The following MYO1B variants were observed in gnomAD, a reference collection of about 807,000 sequenced individuals.
The protein encoded by MYO1B is unconventional myosin-Ib.
MYO1B carries 72 observed loss-of-function variants against 159.7 expected under a neutral mutation model. The observed-to-expected ratio is 0.45, with a 90% CI of 0.37 to 0.55. The LOEUF (loss-of-function observed/expected upper bound fraction) is 0.55. MYO1B is among the 20% of genes least tolerant of loss of function. The pLI, the probability that MYO1B is intolerant of heterozygous loss-of-function variation, is 0.00. For synonymous variants in MYO1B, 468 were observed against 473.8 expected, an observed-to-expected ratio of 0.99 and a Z score of 0.16; for missense variants, 1,062 against 1,364.8, an observed-to-expected ratio of 0.78 and a Z score of 3.50.
At chr2:191,290,482 TG>T (rs1688627951) in intron 2 of MYO1B, among the ~76,000 whole-genome samples, 1 of 152,250 alleles carries the variant, frequency 6.6e-6, no homozygotes, top group African/African-American at 2.4e-5. Context: ...AATCATTTAG[TG>T]GGTTAGGGCC....
chr2:191,258,777 A>G (rs1444797647), intron 1 of MYO1B, among the ~76,000 whole-genome samples: 1 of 152,222 alleles, frequency 6.6e-6, no homozygotes, highest in Non-Finnish European at 1.5e-5. Context: ...TGCCAAGGGT[A>G]TGGCATGAGC....
chr2:191,267,475 G>C (rs1687211715), intron 1 of MYO1B, among the ~76,000 whole-genome samples: 1 of 152,168 alleles, frequency 6.6e-6, no homozygotes, highest in Non-Finnish European at 1.5e-5. Context: ...ATATATAGTT[G>C]GCTTTCACAG....
At chr2:191,250,368 A>G (rs191369216) in intron 1 of MYO1B, among the ~76,000 whole-genome samples, 1 of 152,306 alleles carries the variant, frequency 6.6e-6, no homozygotes, top group East Asian at 1.9e-4. Context: ...AAAATGATAT[A>G]TAAACTACCA....
At chr2:191,380,410 A>G (rs769834292) in intron 13 of MYO1B, among the ~76,000 whole-genome samples, 43 of 152,210 alleles carry the variant, frequency 2.8e-4, no homozygotes, top group Admixed American at 1.4e-3. Context: ...ACTGGCCACC[A>G]TTGTGGGAGA....
chr2:191,386,853 A>G (rs1280385322), intron 16 of MYO1B, among the ~76,000 whole-genome samples: 1 of 152,128 alleles, frequency 6.6e-6, no homozygotes, highest in East Asian at 1.9e-4. Flanking sequence ...TATTGTTTCT[A>G]TTTTGCCCCA....
intron 3 of MYO1B, among the ~76,000 whole-genome samples, chr2:191,317,202 T>C (rs768379970): frequency 6.6e-6 from 1 of 152,138 alleles, no homozygotes; most frequent in African/African-American, 2.4e-5. Context: ...GGCACAGTTG[T>C]TGGCAGATTG....
At chr2:191,420,207 A>G (rs559548501) in intron 30 of MYO1B, among the ~76,000 whole-genome samples, 3 of 152,204 alleles carry the variant, frequency 2.0e-5, no homozygotes, top group Non-Finnish European at 4.4e-5. Flanking sequence ...TGCCTCAAAA[A>G]CAAAACAAAA....
intron 15 of MYO1B, among the ~76,000 whole-genome samples, chr2:191,384,501 A>G (rs1695286855): frequency 6.6e-6 from 1 of 152,244 alleles, no homozygotes; most frequent in Non-Finnish European, 1.5e-5. Context: ...ATTCTAAGGC[A>G]TCACTATTTT....
intron 26 of MYO1B, among the ~76,000 whole-genome samples, chr2:191,410,801 T>C (rs115848964): frequency 6.6e-6 from 1 of 152,188 alleles, no homozygotes; most frequent in African/African-American, 2.4e-5. Context: ...TGGGAGGAAA[T>C]AGTACTTGCA....
intron 13 of MYO1B, among the ~76,000 whole-genome samples, chr2:191,380,724 C>CAG (rs1299235450): frequency 1.3e-5 from 2 of 152,106 alleles, no homozygotes; most frequent in African/African-American, 2.4e-5. Context: ...GGGCCTTCTA[C>CAG]AGAGAGAGAG....
At position 191,392,161 on chromosome 2, in the gene MYO1B, C is replaced by T. The variant is rs746728776; in HGVS notation, c.2036C>T (p.Ser679Phe). The change falls in exon 19 of 31, where the codon TCC (serine) becomes TTC (phenylalanine). Residue 679 changes from serine (S) to phenylalanine (F), a missense_variant. Physicochemically the swap from Ser to Phe is radical, Grantham distance 155 (BLOSUM62 -2). Transcript: ENST00000392318. ...NELEIPVEEY[S>F]FGRSKIFIRN... The stretch of plus-strand genomic sequence containing the variant: ...TTAGAAATTCCCGTGGAAGAATACT[C>T]CTTTGGTAGATCAAAGATATTCATC... 7 of 1,608,890 alleles carry T rather than the reference C, an allele frequency of 4.4e-6. No individual in the cohort carries two copies. Among genetic ancestry groups the T allele is most frequent in the Non-Finnish European group, 6.0e-6 (7 of 1,176,284 alleles).
At chr2:191,360,502 T>C (rs971663375) in intron 7 of MYO1B, 129 bp from the exon 8 acceptor site, 4 of 608,272 alleles carry the variant, frequency 6.6e-6, no homozygotes, top group Non-Finnish European at 1.1e-5. Flanking sequence ...GAACTGAAAA[T>C]ACAGCTTCCT....
intron 1 of MYO1B, among the ~76,000 whole-genome samples, chr2:191,275,968 G>A (rs1687728051): frequency 6.6e-6 from 1 of 152,198 alleles, no homozygotes; most frequent in Non-Finnish European, 1.5e-5. Context: ...CTGCTGTTGG[G>A]TGGCACCATG....
At chr2:191,408,078 C>T in intron 24 of MYO1B, 37 bp from the exon 25 acceptor site, 3 of 1,436,230 alleles carry the variant, frequency 2.1e-6, no homozygotes, top group Non-Finnish European at 2.0e-6. Context: ...GTACCAGCCA[C>T]ACATTAACCA....
At chr2:191,341,663 A>G in intron 5 of MYO1B, 98 bp downstream of exon 5, 3 of 911,326 alleles carry the variant, frequency 3.3e-6, no homozygotes, top group Non-Finnish European at 3.5e-6. Context: ...GTATTCTGGG[A>G]GGGAAGAGGA....
chr2:191,341,964 A>AT (rs1167173805), intron 5 of MYO1B, among the ~76,000 whole-genome samples: 3 of 151,980 alleles, frequency 2.0e-5, no homozygotes, highest in Non-Finnish European at 4.4e-5. Context: ...TTAAGGACTC[A>AT]TTTTTTCCAG....
At chr2:191,270,423 C>T (rs1203260026) in intron 1 of MYO1B, among the ~76,000 whole-genome samples, 2 of 151,966 alleles carry the variant, frequency 1.3e-5, no homozygotes, top group Non-Finnish European at 1.5e-5. Context: ...TCTATTGGAC[C>T]GTGAGTTCCT....
chr2:191,246,564 T>G (rs1407070612), intron 1 of MYO1B, among the ~76,000 whole-genome samples: 1 of 151,566 alleles, frequency 6.6e-6, no homozygotes, highest in Non-Finnish European at 1.5e-5. Context: ...CCCCCCCTTT[T>G]TTTTTGAGAT....
chr2:191,331,840 A>G (rs1032337222), intron 4 of MYO1B, among the ~76,000 whole-genome samples: 6 of 152,238 alleles, frequency 3.9e-5, no homozygotes, highest in Non-Finnish European at 8.8e-5. Context: ...GGATCTTACA[A>G]ATCTCTCATT....
Sources: gnomAD v4.1 joint callset for allele counts (sites outside exome capture counted in the v4.1 genomes callset) on GRCh38, gnomAD v4.1.1 for gene constraint, MANE v1.5 for transcripts, NCBI Gene and HGNC (gene_info 2026-07-23, HGNC 2026-07-21) for gene names.